Variants in SGSM1 observed in about 807,000 individuals in gnomAD.
The protein encoded by SGSM1 is small G protein signaling modulator 1, also known as RUN and TBC1 domain containing 2.
SGSM1 carries 73 observed loss-of-function variants against 133.8 expected under a neutral mutation model. That is an observed-to-expected ratio of 0.55 (90% CI 0.45 to 0.66). The LOEUF is 0.66. SGSM1 is among the 30% of genes least tolerant of loss of function. The pLI is 0.00. For missense variants in SGSM1, 1,213 were observed against 1,448.1 expected, an observed-to-expected ratio of 0.84 and a Z score of 2.64; for synonymous variants, 563 against 573.0, an observed-to-expected ratio of 0.98 and a Z score of 0.25.
chr22:24,865,499 T>G (rs532657531), intron 9 of SGSM1, among the ~76,000 whole-genome samples: 1 of 152,234 alleles, frequency 6.6e-6, no homozygotes, highest in East Asian at 1.9e-4. Context: ...CAGTGTGACT[T>G]GAGGGTTTCT....
chr22:24,864,461 G>A (rs992474340), intron 9 of SGSM1, among the ~76,000 whole-genome samples: 1 of 152,186 alleles, frequency 6.6e-6, no homozygotes, highest in Non-Finnish European at 1.5e-5. Flanking sequence ...GACATTTGTG[G>A]TCCATCCATG....
At chr22:24,866,488 C>T (rs1931467030) in intron 9 of SGSM1, among the ~76,000 whole-genome samples, 1 of 152,208 alleles carries the variant, frequency 6.6e-6, no homozygotes. Context: ...TTCAAGCTGA[C>T]TTAAGCACTG....
chr22:24,921,184 C>T (rs932047850), intron 24 of SGSM1, among the ~76,000 whole-genome samples: 59 of 152,126 alleles, frequency 3.9e-4, no homozygotes, highest in African/African-American at 1.4e-3. Context: ...ACTGCAACCT[C>T]CGCCTCCCAG....
chr22:24,831,055 C>T (rs1012730089), intron 2 of SGSM1, among the ~76,000 whole-genome samples: 10 of 152,096 alleles, frequency 6.6e-5, no homozygotes, highest in African/African-American at 2.4e-4. Context: ...GGCATTGCAC[C>T]ATTTGCAGCT....
chr22:24,850,512 A>G, intron 5 of SGSM1, 80 bp downstream of exon 5: 1 of 1,548,754 alleles, frequency 6.5e-7, no homozygotes, highest in Non-Finnish European at 8.7e-7. Context: ...CCCTGGCACA[A>G]AGCTGCTTTC....
At chr22:24,830,967 C>G (rs775439876) in intron 2 of SGSM1, among the ~76,000 whole-genome samples, 5 of 152,092 alleles carry the variant, frequency 3.3e-5, no homozygotes, top group Non-Finnish European at 5.9e-5. Flanking sequence ...TTCCCTGAGG[C>G]TCTCCACACC....
chr22:24,889,111 G>A (rs377697362), intron 16 of SGSM1, among the ~76,000 whole-genome samples: 60 of 151,708 alleles, frequency 4.0e-4, no homozygotes, highest in African/African-American at 1.4e-3. Flanking sequence ...ACAGGCGCCC[G>A]ACACCACGCC....
chr22:24,852,437 A>G (rs1345658849), intron 5 of SGSM1, among the ~76,000 whole-genome samples: 1 of 152,022 alleles, frequency 6.6e-6, no homozygotes, highest in Admixed American at 6.6e-5. Flanking sequence ...TCTACCTGCT[A>G]ATTTTTAAAT....
intron 5 of SGSM1, among the ~76,000 whole-genome samples, chr22:24,851,638 C>T (rs898796861): frequency 3.3e-5 from 5 of 152,236 alleles, no homozygotes; most frequent in South Asian, 2.1e-4. Flanking sequence ...ATGAAGTTCA[C>T]GTGCTTGTAA....
chr22:24,844,578 G>A (rs113090578), intron 2 of SGSM1: 5,643 of 253,008 alleles, frequency 0.022, 345 homozygotes, highest in African/African-American at 0.12. Context: ...ACTAAAACAG[G>A]GGATGGGAGT....
chr22:24,862,817 TCCACCTCA>T (rs1217700736), intron 9 of SGSM1, among the ~76,000 whole-genome samples: 1 of 152,172 alleles, frequency 6.6e-6, no homozygotes, highest in Non-Finnish European at 1.5e-5. Flanking sequence ...GGTATGTCAC[TCCACCTCA>T]ATGAGCCTCA....
At position 24,855,586 on chromosome 22, in the gene SGSM1, G is replaced by A. The variant is rs756923566; in HGVS notation, c.707G>A (p.Arg236Gln). 12 of 1,613,726 alleles carry A rather than the reference G, an allele frequency of 7.4e-6. No individual in the cohort carries two copies. The highest frequency in any genetic ancestry group is 3.3e-5 in the Admixed American group (2 of 59,990). ...CATTCCAGTGGCAGCATGGATGACC[G>A]GCCATCCCTCTCTGCCCGCGACTAC... ...KRHSSGSMDD[R>Q]PSLSARDYVE... The change falls in exon 8 of 25, where the codon CGG becomes CAG. Residue 236 changes from arginine (R) to glutamine (Q), a missense_variant. Physicochemically the swap from Arg to Gln is conservative, Grantham distance 43. Coordinates refer to ENST00000400358, the MANE Select transcript of SGSM1 (RefSeq NM_001098497.3).
At chr22:24,918,002 AG>A (rs1407562886) in intron 23 of SGSM1, among the ~76,000 whole-genome samples, 1 of 152,204 alleles carries the variant, frequency 6.6e-6, no homozygotes, top group Non-Finnish European at 1.5e-5. Flanking sequence ...GTTCAGAGCT[AG>A]GGAGAGTTAA....
chr22:24,856,319 C>T (rs974597431), intron 8 of SGSM1, among the ~76,000 whole-genome samples: 1 of 152,166 alleles, frequency 6.6e-6, no homozygotes, highest in Non-Finnish European at 1.5e-5. Flanking sequence ...GAGGCAGGTA[C>T]TGTTATTGCG....
At chr22:24,893,248 C>G (rs1932844939) in intron 16 of SGSM1, among the ~76,000 whole-genome samples, 183 bp from the exon 17 acceptor site, 2 of 152,172 alleles carry the variant, frequency 1.3e-5, no homozygotes, top group African/African-American at 2.4e-5. Flanking sequence ...TAGCCTTGCT[C>G]CCTTTGTGTC....
At chr22:24,886,250 A>G (rs550371762) in intron 15 of SGSM1, among the ~76,000 whole-genome samples, 1 of 150,892 alleles carries the variant, frequency 6.6e-6, no homozygotes, top group Non-Finnish European at 1.5e-5. Flanking sequence ...AAAATACAAA[A>G]ATTAGCTGGA....
chr22:24,831,225 C>T (rs897644219), intron 2 of SGSM1, among the ~76,000 whole-genome samples: 9 of 151,732 alleles, frequency 5.9e-5, no homozygotes, highest in African/African-American at 2.2e-4. Context: ...TTAGGATCAA[C>T]ACCAGGAGGT....
At chr22:24,821,362 CAA>C (rs1281823106) in intron 2 of SGSM1, among the ~76,000 whole-genome samples, 5 of 152,168 alleles carry the variant, frequency 3.3e-5, no homozygotes, top group African/African-American at 1.2e-4. Context: ...ATGATGAAAA[CAA>C]GAGGCTGTGT....
chr22:24,889,859 C>G (rs183872628), intron 16 of SGSM1, among the ~76,000 whole-genome samples: 3 of 141,206 alleles, frequency 2.1e-5, no homozygotes, highest in Non-Finnish European at 3.1e-5. Flanking sequence ...CCGTGTTGGC[C>G]GGGCTGGTCT....
Sources: gnomAD v4.1 joint callset for allele counts (sites outside exome capture counted in the v4.1 genomes callset) on GRCh38, gnomAD v4.1.1 for gene constraint, MANE v1.5 for transcripts, NCBI Gene and HGNC (gene_info 2026-07-23, HGNC 2026-07-21) for gene names.